TBC1D8B: variants seen among roughly 807,000 people sequenced by gnomAD.
The protein encoded by TBC1D8B is TBC1 domain family member 8B.
TBC1D8B carries 75 observed loss-of-function variants against 82.9 expected under a neutral mutation model. That is an observed-to-expected ratio of 0.90 (90% CI 0.75 to 1.10). The LOEUF is 1.10. TBC1D8B is among the 50% of genes least tolerant of loss of function. TBC1D8B has a pLI of 0.00. For missense variants in TBC1D8B, 794 were observed against 796.9 expected (o/e 1.00, Z 0.04); for synonymous variants, 276 against 276.8 (o/e 1.00, Z 0.03).
At chrX:106,839,604 T>A in intron 8 of TBC1D8B, 147 bp downstream of exon 8, 1 of 488,871 alleles carries the variant, frequency 2.0e-6, no homozygotes, top group African/African-American at 2.4e-5. Context: ...GTAACTTATT[T>A]AGTTCCACTG....
At chrX:106,847,184 A>T (rs1051606855) in intron 10 of TBC1D8B, among the ~76,000 whole-genome samples, 2 of 111,825 alleles carry the variant, frequency 1.8e-5, no homozygotes, top group Non-Finnish European at 3.8e-5. Context: ...AATAGTAAAA[A>T]ATTTGAATTA....
intron 13 of TBC1D8B, among the ~76,000 whole-genome samples, chrX:106,853,928 CATTATT>C (rs1040343372): frequency 2.7e-5 from 3 of 111,636 alleles, no homozygotes; most frequent in African/African-American, 9.8e-5. Context: ...GAATTATTCT[CATTATT>C]ATTATTCACT....
chrX:106,829,658 A>C (rs1931974945), intron 7 of TBC1D8B: 1 of 105,930 alleles, frequency 9.4e-6, no homozygotes, highest in Admixed American at 1.0e-4. Context: ...CAACTATCTG[A>C]TCTTTGACAA....
intron 8 of TBC1D8B, 82 bp downstream of exon 8, chrX:106,839,539 A>T (rs1026149966): frequency 2.7e-5 from 26 of 957,378 alleles, no homozygotes; most frequent in Middle Eastern, 3.4e-4. Context: ...AGAAGGTATC[A>T]CAACTGAAAA....
chrX:106,864,362 C>A (rs1346414693), intron 14 of TBC1D8B, among the ~76,000 whole-genome samples: 1 of 109,996 alleles, frequency 9.1e-6, no homozygotes, highest in South Asian at 4.0e-4. Context: ...CTCTGTGTCC[C>A]CTTGCTGCTT....
At chrX:106,869,645 T>C in intron 19 of TBC1D8B, 104 bp downstream of exon 19, 1 of 536,262 alleles carries the variant, frequency 1.9e-6, no homozygotes. Flanking sequence ...AGGCTATTGA[T>C]GTCTCAGAAA....
At chrX:106,808,833 G>A (rs907759247) in intron 1 of TBC1D8B, among the ~76,000 whole-genome samples, 2 of 111,545 alleles carry the variant, frequency 1.8e-5, no homozygotes, top group Admixed American at 9.6e-5. Context: ...GAACAGTTGT[G>A]GAAGGCTTAT....
In TBC1D8B at chrX:106,859,250, T is replaced by G. The variant is rs1932752549; in HGVS notation, c.2352+4954T>G. ...GTTTTTTCTAATTCTGTGAAGAATG[T>G]CATTGGTAGTTTGATAGGAATAGCA... On this transcript the variant is annotated intron_variant, in intron 14 of 20. Transcript: ENST00000357242. Among the ~76,000 whole-genome samples, 3 of 112,219 alleles carry G rather than the reference T, an allele frequency of 2.7e-5. No individual in the cohort carries two copies. The South Asian group carries it at 1.1e-3, about 42-fold the overall frequency.
At position 106,861,182 on chromosome X, in the gene TBC1D8B, G is replaced by T. The variant is rs373772557; in HGVS notation, c.2353-4377G>T. Among the ~76,000 whole-genome samples the T allele has an allele frequency of 2.7e-5, 3 of 111,882 alleles. No homozygotes were observed. The East Asian group carries it at 8.4e-4, about 31-fold the overall frequency. On this transcript the variant is annotated intron_variant, in intron 14 of 20. Transcript: ENST00000357242. ...TTTAGAGTATGTGCCATGTGCAGAC[G>T]AGAAGAATATGTTCTGTTGTTTTGG... is the stretch of plus-strand genomic sequence containing the variant.
chrX:106,838,395 T>TA (rs1286664284), intron 7 of TBC1D8B, among the ~76,000 whole-genome samples: 3 of 111,661 alleles, frequency 2.7e-5, no homozygotes, highest in Non-Finnish European at 5.7e-5. Flanking sequence ...CCAAATATTC[T>TA]ACCTTTTTCT....
At chrX:106,872,019 TC>T (rs1306007611) in intron 20 of TBC1D8B, among the ~76,000 whole-genome samples, 3 of 110,362 alleles carry the variant, frequency 2.7e-5, no homozygotes, top group African/African-American at 6.6e-5. Context: ...TATCAGAAGC[TC>T]CCTGAACCCA....
intron 14 of TBC1D8B, among the ~76,000 whole-genome samples, chrX:106,863,843 G>A (rs1602437162): frequency 8.9e-6 from 1 of 111,946 alleles, no homozygotes; most frequent in Non-Finnish European, 1.9e-5. Flanking sequence ...TGGGCTGGAA[G>A]CTCCAGCAGG....
At chrX:106,842,684 T>G (rs1372252910) in intron 10 of TBC1D8B, among the ~76,000 whole-genome samples, 1 of 110,183 alleles carries the variant, frequency 9.1e-6, no homozygotes, top group East Asian at 2.8e-4. Flanking sequence ...CTATCATCTG[T>G]CTCCATCTAT....
At chrX:106,831,156 A>G (rs765895469) in intron 7 of TBC1D8B, among the ~76,000 whole-genome samples, 478 of 110,866 alleles carry the variant, frequency 4.3e-3, no homozygotes, top group African/African-American at 0.015. Context: ...TCAAAGAAAA[A>G]CTAAATGTGT....
intron 17 of TBC1D8B, 65 bp from the exon 18 acceptor site, chrX:106,868,328 T>C: frequency 1.3e-6 from 1 of 764,666 alleles, no homozygotes; most frequent in Admixed American, 4.3e-5. Context: ...ACCTGACCCA[T>C]TATGAACCTC....
chrX:106,818,762 C>A lies in TBC1D8B; in HGVS notation c.230C>A (p.Ser77Ter). The change falls in exon 2 of 21, where the codon TCA (serine) becomes TAA (stop). Residue 77 changes from serine (S) to a stop codon, truncating the protein, a stop_gained. Transcript: ENST00000357242. LOFTEE classifies it high-confidence loss of function. ...HQTPDSQVYL[S>*]IACGANREEI... is the part of the protein sequence containing the mutation. The stretch of plus-strand genomic sequence containing the variant: ...ACACCAGATTCTCAAGTTTACTTGT[C>A]AATTGCATGTGGTGAGTATGATTTT... 2.5e-6 allele frequency: 3 copies of A among 1,194,153 alleles called. No homozygotes were observed. The highest frequency in any genetic ancestry group is 3.4e-6 in the Non-Finnish European group (3 of 881,873).
chrX:106,835,514 T>A (rs1364698550), intron 7 of TBC1D8B, among the ~76,000 whole-genome samples: 1 of 112,437 alleles, frequency 8.9e-6, no homozygotes, highest in Non-Finnish European at 1.9e-5. Flanking sequence ...TCGGCTCCTG[T>A]TGCTTACACA....
intron 7 of TBC1D8B, among the ~76,000 whole-genome samples, chrX:106,830,685 T>G (rs1932014276): frequency 9.3e-6 from 1 of 107,322 alleles, no homozygotes; most frequent in African/African-American, 3.4e-5. Context: ...CTCAGTAAAC[T>G]ATCGCAAGGA....
rs748936003 is a variant in TBC1D8B, at chrX:106,869,405, C to T, written c.2813-80C>T. 1,468 of 851,447 alleles carry T rather than the reference C, an allele frequency of 1.7e-3. 4 individuals carry two copies. Among genetic ancestry groups the T allele is most frequent in the Non-Finnish European group, 2.3e-3 (1,346 of 588,873 alleles). 70.2% of individuals were successfully genotyped at this position (851,447 alleles called of 1,213,427 possible). ...AATTGAATAAAATAATGTGCTTATACGTCTATATGAAACATTATTTTGCTT... is the reference window on the plus strand; with the variant it reads ...AATTGAATAAAATAATGTGCTTATATGTCTATATGAAACATTATTTTGCTT... On this transcript the variant is annotated intron_variant, in intron 18 of 20. Coordinates refer to ENST00000357242, the MANE Select transcript of TBC1D8B (RefSeq NM_017752.3).
Sources: gnomAD v4.1 joint callset for allele counts (sites outside exome capture counted in the v4.1 genomes callset) on GRCh38, gnomAD v4.1.1 for gene constraint, MANE v1.5 for transcripts, NCBI Gene and HGNC (gene_info 2026-07-23, HGNC 2026-07-21) for gene names.